The following NDFIP2 variants were observed in gnomAD, a reference collection of about 807,000 sequenced individuals.
NDFIP2 encodes the protein NEDD4 family-interacting protein 2.
NDFIP2 carries 19 observed loss-of-function variants against 36.0 expected under a neutral mutation model. The ratio of observed to expected loss-of-function variants is 0.53; its 90% confidence interval spans 0.37 to 0.77. The LOEUF is 0.77. Ranked by LOEUF, NDFIP2 falls within the 30% of genes least tolerant of loss-of-function variation. The probability of loss-of-function intolerance (pLI) is 0.00; values close to 1 mark genes in which losing one functional copy is unlikely to be tolerated. For synonymous variants in NDFIP2, 181 were observed against 167.7 expected (o/e 1.08, Z -0.61); for missense variants, 446 against 435.8 (o/e 1.02, Z -0.21).
chr13:79,539,281 G>A (rs920798890), intron 3 of NDFIP2, among the ~76,000 whole-genome samples: 1 of 151,878 alleles, frequency 6.6e-6, no homozygotes, highest in African/African-American at 2.4e-5. Context: ...TGGATCATAG[G>A]GTATGCACAT....
At chr13:79,506,983 G>T (rs1873892606) in intron 1 of NDFIP2, among the ~76,000 whole-genome samples, 1 of 152,028 alleles carries the variant, frequency 6.6e-6, no homozygotes, top group African/African-American at 2.4e-5. Flanking sequence ...TAAGAAATCG[G>T]AGTATTTTTT....
At chr13:79,504,170 A>G (rs976345489) in intron 1 of NDFIP2, among the ~76,000 whole-genome samples, 6 of 152,290 alleles carry the variant, frequency 3.9e-5, no homozygotes, top group East Asian at 1.9e-4. Context: ...TTTTTATACA[A>G]TATATTCTAC....
chr13:79,539,202 AAG>A (rs1875365240), intron 3 of NDFIP2, among the ~76,000 whole-genome samples: 1 of 152,288 alleles, frequency 6.6e-6, no homozygotes, highest in East Asian at 1.9e-4. Flanking sequence ...TCATTTTTAT[AAG>A]AGGGAATATG....
chr13:79,511,919 A>G (rs770196155), intron 1 of NDFIP2, among the ~76,000 whole-genome samples: 15 of 152,150 alleles, frequency 9.9e-5, no homozygotes, highest in Non-Finnish European at 2.1e-4. Context: ...AGAATTTACT[A>G]GTTCTTGTTT....
intron 1 of NDFIP2, among the ~76,000 whole-genome samples, chr13:79,496,372 C>A (rs895524717): frequency 2.6e-5 from 4 of 151,880 alleles, no homozygotes; most frequent in Non-Finnish European, 5.9e-5. Context: ...GACATTCTTT[C>A]ATTTCCTCCT....
At chr13:79,535,916 T>C (rs1053742247) in intron 3 of NDFIP2, among the ~76,000 whole-genome samples, 2 of 152,198 alleles carry the variant, frequency 1.3e-5, no homozygotes, top group South Asian at 2.1e-4. Context: ...AAACAAAATT[T>C]AAAAATTGAA....
At chr13:79,486,420 T>C (rs1359316312) in intron 1 of NDFIP2, among the ~76,000 whole-genome samples, 6 of 152,240 alleles carry the variant, frequency 3.9e-5, no homozygotes, top group African/African-American at 1.4e-4. Context: ...TATCAATCCA[T>C]CTATTTTTCG....
intron 2 of NDFIP2, among the ~76,000 whole-genome samples, chr13:79,521,816 C>A (rs896548741): frequency 1.4e-5 from 2 of 145,404 alleles, no homozygotes; most frequent in Non-Finnish European, 3.0e-5. Context: ...ATTTGGTTTT[C>A]GTTTTGCTTT....
rs1399423469 is a variant in NDFIP2 at position 79,481,268 on chromosome 13, G to A, written c.65G>A (p.Gly22Asp). 70 of 1,536,410 alleles carry A rather than the reference G, an allele frequency of 4.6e-5. No homozygotes were observed. Among genetic ancestry groups the A allele is most frequent in the Non-Finnish European group, 5.9e-5 (68 of 1,146,026 alleles). ...SGPSMLNSAR[G>D]APELLRGTAT... is the part of the protein sequence containing the mutation. ...CCGAGCATGCTCAATAGCGCGCGCG[G>A]CGCCCCGGAGCTTCTCCGCGGAACC... The change falls in exon 1 of 8, where the codon GGC (glycine) becomes GAC (aspartate). Residue 22 changes from glycine (G) to aspartate (D), a missense_variant. Physicochemically the swap from Gly to Asp is moderately conservative, Grantham distance 94. Coordinates refer to ENST00000218652, the MANE Select transcript of NDFIP2 (RefSeq NM_019080.3).
At chr13:79,527,399 A>C (rs139436150) in intron 2 of NDFIP2, among the ~76,000 whole-genome samples, 1 of 152,240 alleles carries the variant, frequency 6.6e-6, no homozygotes, top group African/African-American at 2.4e-5. Flanking sequence ...AGGAAATTCC[A>C]AAATATGTTA....
rs1318506920 is a variant in NDFIP2 at position 79,481,479 on chromosome 13, G to A, written c.276G>A (p.Pro92=). 3 of 1,561,492 alleles carry A rather than the reference G, an allele frequency of 1.9e-6. No homozygotes were observed. Among genetic ancestry groups the A allele is most frequent in the Non-Finnish European group, 2.6e-6 (3 of 1,152,440 alleles). Reference sequence around the variant, plus strand: ...TCTCTCGGAAGCCGGATCCCGAGCCGGGCAGGATGGATCACCACCAGCCGG... The same window carrying A: ...TCTCTCGGAAGCCGGATCCCGAGCCAGGCAGGATGGATCACCACCAGCCGG... ...DSLSRKPDPE[P]GRMDHHQPGT... The change falls in exon 1 of 8, where the codon CCG becomes CCA. Residue 92 remains proline, a synonymous_variant. Transcript: ENST00000218652.
At chr13:79,485,775 T>C (rs1872958206) in intron 1 of NDFIP2, among the ~76,000 whole-genome samples, 1 of 152,214 alleles carries the variant, frequency 6.6e-6, no homozygotes, top group Admixed American at 6.5e-5. Flanking sequence ...AATAAGAAGC[T>C]TTCTACTTCT....
At chr13:79,531,973 T>C (rs1875034911) in intron 2 of NDFIP2, among the ~76,000 whole-genome samples, 1 of 152,252 alleles carries the variant, frequency 6.6e-6, no homozygotes. Context: ...CTTGCTAGGC[T>C]TGATTGTTTC....
Position 79,548,325 on chromosome 13 carries a change from T to C in NDFIP2, c.841-3T>C, listed in dbSNP as rs777583587. ...GGTTAATATATTTATGTTCACTCCA[T>C]AGTTTTCTGATTATTTTACTGGATA... On this transcript the variant is annotated splice_polypyrimidine_tract_variant and splice_region_variant and intron_variant, in intron 5 of 7. Coordinates refer to ENST00000218652, the MANE Select transcript of NDFIP2 (RefSeq NM_019080.3). 27 of 1,571,120 alleles carry C rather than the reference T, an allele frequency of 1.7e-5. No homozygotes were observed. The highest frequency in any genetic ancestry group is 2.3e-5 in the Non-Finnish European group (26 of 1,150,662).
chr13:79,487,746 A>G (rs928472449), intron 1 of NDFIP2, among the ~76,000 whole-genome samples: 2 of 152,120 alleles, frequency 1.3e-5, no homozygotes, highest in Non-Finnish European at 2.9e-5. Flanking sequence ...TGGGTTTATT[A>G]AATTTTTGAA....
intron 1 of NDFIP2, among the ~76,000 whole-genome samples, chr13:79,512,113 G>GT (rs1353034682): frequency 1.3e-5 from 2 of 151,988 alleles, no homozygotes; most frequent in African/African-American, 4.8e-5. Context: ...ACTAATTTTT[G>GT]TTACATGCAA....
At position 79,520,928 on chromosome 13, in the gene NDFIP2, C is replaced by G; in HGVS notation, c.440C>G (p.Ser147Cys). The change falls in exon 2 of 8, where the codon TCC becomes TGC. Residue 147 changes from serine to cysteine, a missense_variant. Ser to Cys is a moderately radical substitution (Grantham distance 112). Transcript: ENST00000218652. ...SSAPALETDS[S>C]PPPYSSITVE... ...GCACCAGCACTTGAAACTGACTCTT[C>G]CCCTCCACCATATAGTAGTATTACT... 1 of 1,613,714 alleles carries G rather than the reference C, an allele frequency of 6.2e-7. No homozygotes were observed. The highest frequency in any genetic ancestry group is 1.7e-4 in the Middle Eastern group (1 of 6,058).
At chr13:79,537,838 T>G (rs1025479270) in intron 3 of NDFIP2, among the ~76,000 whole-genome samples, 1 of 152,170 alleles carries the variant, frequency 6.6e-6, no homozygotes, top group African/African-American at 2.4e-5. Context: ...TGAGATGATG[T>G]GTACCGTATT....
In NDFIP2 at chr13:79,481,419, G is replaced by C; in HGVS notation, c.216G>C (p.Gly72=). 1 of 1,558,550 alleles carries C rather than the reference G, an allele frequency of 6.4e-7. No homozygotes were observed. The highest frequency in any genetic ancestry group is 8.7e-7 in the Non-Finnish European group (1 of 1,150,904). ...CTGCGGCGACGACGTCGTCGACGGGGGTGGCCGTGGGAGCTGAGCACGGAG... is the reference window on the plus strand; with the variant it reads ...CTGCGGCGACGACGTCGTCGACGGGCGTGGCCGTGGGAGCTGAGCACGGAG... The part of the protein sequence containing the change: ...RGPAATTSST[G]VAVGAEHGED... The change falls in exon 1 of 8, where the codon GGG becomes GGC. Residue 72 remains glycine (G), a synonymous_variant. Transcript: ENST00000218652.
Sources: allele counts gnomAD v4.1 joint callset (sites outside exome capture counted in the v4.1 genomes callset), GRCh38; gene constraint gnomAD v4.1.1; transcripts MANE v1.5; gene names NCBI Gene and HGNC (gene_info 2026-07-23, HGNC 2026-07-21).